FTO: variants seen among roughly 807,000 people sequenced by gnomAD.
FTO encodes FTO alpha-ketoglutarate dependent dioxygenase, also known as alpha-ketoglutarate-dependent dioxygenase FTO.
In FTO, 47 loss-of-function variants were observed where a neutral mutation model predicts 63.9. The ratio of observed to expected loss-of-function variants is 0.74; its 90% CI spans 0.58 to 0.94. FTO has a LOEUF of 0.94. Ranked by LOEUF, FTO falls within the 40% of genes least tolerant of loss-of-function variation. FTO has a pLI of 0.00. For missense variants in FTO, 562 were observed against 618.1 expected (o/e 0.91, Z 0.96); for synonymous variants, 207 against 224.4 (o/e 0.92, Z 0.69).
rs976483338 is a variant in FTO, at chr16:53,792,126, C to G, written c.46-18014C>G. On this transcript the variant is annotated intron_variant, in intron 1 of 8. Transcript: ENST00000471389. ...AAAAAAAATAAAGCGTGTATATTGA[C>G]TTTCCAGAATCTTGAGAATGGATAA... 9.2e-5 allele frequency among the ~76,000 whole-genome samples: 14 copies of G among 152,046 alleles called. No individual in the cohort carries two copies. The East Asian group carries it at 2.3e-3, about 25-fold the overall frequency.
intron 7 of FTO, among the ~76,000 whole-genome samples, chr16:53,927,779 A>G (rs772705383): frequency 1.3e-5 from 2 of 152,068 alleles, no homozygotes; most frequent in Admixed American, 1.3e-4. Context: ...AATAAAACCC[A>G]CCCTCAAAGG....
chr16:54,035,016 G>T (rs1312440905), intron 8 of FTO, among the ~76,000 whole-genome samples: 2 of 152,174 alleles, frequency 1.3e-5, no homozygotes, highest in African/African-American at 4.8e-5. Flanking sequence ...CCTGTTTTGT[G>T]TGCTGTAACT....
At chr16:53,895,599 T>C (rs2081261277) in intron 7 of FTO, among the ~76,000 whole-genome samples, 1 of 152,210 alleles carries the variant, frequency 6.6e-6, no homozygotes, top group African/African-American at 2.4e-5. Flanking sequence ...AGGTGTTGAA[T>C]AGAATTCTAC....
At chr16:54,024,963 G>A (rs753573803) in intron 8 of FTO, among the ~76,000 whole-genome samples, 3 of 152,136 alleles carry the variant, frequency 2.0e-5, no homozygotes, top group Admixed American at 1.3e-4. Context: ...AATCACTTAG[G>A]CAATAAGCCA....
At chr16:53,913,538 A>G (rs2081771447) in intron 7 of FTO, among the ~76,000 whole-genome samples, 9 of 152,202 alleles carry the variant, frequency 5.9e-5, no homozygotes, top group Admixed American at 5.9e-4. Context: ...AGTGTATTTG[A>G]CAAGCAAAAC....
intron 1 of FTO, among the ~76,000 whole-genome samples, chr16:53,715,250 C>T (rs2075867886): frequency 6.6e-6 from 1 of 152,146 alleles, no homozygotes; most frequent in Admixed American, 6.5e-5. Context: ...TTAAACAGAA[C>T]ATCACCCACT....
intron 2 of FTO, among the ~76,000 whole-genome samples, chr16:53,818,974 G>A (rs2078774774): frequency 1.3e-5 from 2 of 152,116 alleles, no homozygotes; most frequent in South Asian, 4.2e-4. Context: ...AAAGATATGG[G>A]CATATTTAGG....
chr16:53,865,906 C>A (rs2080299696), intron 4 of FTO, among the ~76,000 whole-genome samples: 1 of 152,146 alleles, frequency 6.6e-6, no homozygotes, highest in Non-Finnish European at 1.5e-5. Flanking sequence ...TCCTGTCTTA[C>A]TGTGTCAGCC....
At chr16:53,938,202 A>T (rs553499458) in intron 8 of FTO, among the ~76,000 whole-genome samples, 12 of 152,368 alleles carry the variant, frequency 7.9e-5, no homozygotes, top group African/African-American at 2.9e-4. Flanking sequence ...ACAGAGTCTT[A>T]TTCCTACTAC....
chr16:53,795,926 T>C (rs921131419), intron 1 of FTO, among the ~76,000 whole-genome samples: 8 of 151,902 alleles, frequency 5.3e-5, no homozygotes, highest in African/African-American at 1.7e-4. Flanking sequence ...CTTTCAGATA[T>C]AAAGAAAGAC....
intron 8 of FTO, chr16:53,984,842 T>G (rs1477059994): frequency 2.3e-6 from 1 of 431,774 alleles, no homozygotes; most frequent in Non-Finnish European, 4.5e-6. Flanking sequence ...ATTGATTCTT[T>G]TGGTGTCTTT....
At position 53,820,788 on chromosome 16, in the gene FTO, T is replaced by G. The variant is rs150114376; in HGVS notation, c.124-5076T>G. Among the ~76,000 whole-genome samples, 1,409 of 152,194 alleles carry G rather than the reference T, an allele frequency of 9.3e-3. 16 individuals carry two copies. The highest frequency in any genetic ancestry group is 0.013 in the Non-Finnish European group (908 of 68,002). On this transcript the variant is annotated intron_variant, in intron 2 of 8. Coordinates refer to ENST00000471389, the MANE Select transcript of FTO (RefSeq NM_001080432.3). The stretch of plus-strand genomic sequence containing the variant: ...ATGATGATTTCCAGTTTCATCCATG[T>G]CCAGGAAAGGTTTCTATAAGAAAAT...
intron 8 of FTO, among the ~76,000 whole-genome samples, chr16:54,031,460 C>G (rs1368626748): frequency 1.3e-5 from 2 of 152,078 alleles, no homozygotes; most frequent in Admixed American, 1.3e-4. Flanking sequence ...GGAATGGATA[C>G]TGCTGATTGG....
intron 7 of FTO, among the ~76,000 whole-genome samples, chr16:53,905,128 A>T (rs1333543921): frequency 2.6e-5 from 4 of 152,044 alleles, no homozygotes. Context: ...ACTAGACCAC[A>T]TCTCTTGCTG....
intron 7 of FTO, 108 bp from the exon 8 acceptor site, chr16:53,933,877 G>A (rs2143257223): frequency 5.6e-6 from 6 of 1,067,848 alleles, no homozygotes; most frequent in Non-Finnish European, 8.2e-6. Context: ...GTTAGCAGGG[G>A]AACTGTAATA....
chr16:53,899,374 A>T (rs1353952894), intron 7 of FTO, among the ~76,000 whole-genome samples: 1 of 152,162 alleles, frequency 6.6e-6, no homozygotes, highest in Non-Finnish European at 1.5e-5. Flanking sequence ...AAACTTAGTA[A>T]ATTGTCACAA....
At chr16:53,969,456 G>A (rs143751583) in intron 8 of FTO, among the ~76,000 whole-genome samples, 1 of 148,964 alleles carries the variant, frequency 6.7e-6, no homozygotes. Flanking sequence ...CTTATTTTTT[G>A]GGGGGGGCTT....
At chr16:53,735,487 C>T (rs912350801) in intron 1 of FTO, among the ~76,000 whole-genome samples, 2 of 152,194 alleles carry the variant, frequency 1.3e-5, no homozygotes, top group Admixed American at 1.3e-4. Flanking sequence ...AGGCTACATC[C>T]TCGCTGACTC....
At chr16:53,871,673 A>G (rs1036278715) in intron 4 of FTO, among the ~76,000 whole-genome samples, 1 of 150,882 alleles carries the variant, frequency 6.6e-6, no homozygotes, top group African/African-American at 2.4e-5. Flanking sequence ...ATACTTTTAC[A>G]TACTTTTGGC....
Sources: allele counts gnomAD v4.1 joint callset (sites outside exome capture counted in the v4.1 genomes callset), GRCh38; gene constraint gnomAD v4.1.1; transcripts MANE v1.5; gene names NCBI Gene and HGNC (gene_info 2026-07-23, HGNC 2026-07-21).